Variants in UTY observed in about 807,000 individuals in gnomAD.
UTY encodes histone demethylase UTY.
A neutral mutation model predicts 32.5 loss-of-function variants in UTY; 12 were observed. The observed-to-expected ratio is 0.37, with a 90% confidence interval of 0.24 to 0.60. The LOEUF (loss-of-function observed/expected upper bound fraction) is 0.60, where lower values mean the gene tolerates loss of function less well. Ranked by LOEUF, UTY falls within the 20% of genes least tolerant of loss-of-function variation. The pLI, the probability that UTY is intolerant of heterozygous loss-of-function variation, is 0.69. For synonymous variants in UTY, 131 were observed against 103.4 expected (o/e 1.27, Z -1.62); for missense variants, 303 against 299.2 (o/e 1.01, Z -0.09).
intron 4 of UTY, among the ~76,000 whole-genome samples, chrY:13,426,627 T>C (rs2073322874): frequency 3.0e-5 from 1 of 33,483 alleles, no homozygotes; most frequent in Non-Finnish European, 7.4e-5. Context: ...AATATAACTT[T>C]AAGCAAATTT....
At chrY:13,411,749 C>A in intron 5 of UTY, among the ~76,000 whole-genome samples, 1 of 33,469 alleles carries the variant, frequency 3.0e-5, no homozygotes, top group Non-Finnish European at 7.4e-5. Flanking sequence ...CACCAGCCTC[C>A]CAAAGAGCTG....
chrY:13,327,393 GA>G (rs2060322762), intron 18 of UTY, among the ~76,000 whole-genome samples: 1 of 33,370 alleles, frequency 3.0e-5, no homozygotes, highest in Non-Finnish European at 7.4e-5. Context: ...TTCCTACACA[GA>G]AAAAAACTTT....
At chrY:13,237,561 T>C (rs2053863024) in intron 28 of UTY, among the ~76,000 whole-genome samples, 1 of 33,144 alleles carries the variant, frequency 3.0e-5, no homozygotes, top group Admixed American at 2.7e-4. Context: ...CCCCACTCAG[T>C]GGGCCCTGAA....
In UTY at chrY:13,369,342, T is replaced by C; in HGVS notation, c.653A>G (p.Tyr218Cys). ...IAHLYETQRK[Y>C]HSAKEAYEQL... is the part of the protein sequence containing the mutation. ...TTCATATGCCTCCTTTGCAGAATGA[T>C]ACTTCCTCTAAAGAGCAAAGGAAAA... Residue 218 changes from tyrosine to cysteine, a missense_variant, in exon 9 of 30, where the codon TAT (tyrosine) becomes TGT (cysteine). Tyr to Cys is a radical substitution (Grantham distance 194). Coordinates refer to ENST00000545955, the MANE Select transcript of UTY (RefSeq NM_001258249.2). The C allele has an allele frequency of 3.0e-6, 1 of 332,183 alleles. No individual in the cohort carries two copies. Among genetic ancestry groups the C allele is most frequent in the Non-Finnish European group, 4.1e-6 (1 of 242,169 alleles). 82.9% of individuals were successfully genotyped at this position (332,183 alleles called of 400,897 possible).
At chrY:13,394,044 G>C in intron 7 of UTY, 151 bp from the exon 8 acceptor site, 1 of 94,938 alleles carries the variant, frequency 1.1e-5, no homozygotes, top group East Asian at 1.6e-4. Flanking sequence ...GTTTTAAACA[G>C]AATGCAAAAT....
intron 9 of UTY, among the ~76,000 whole-genome samples, chrY:13,367,681 G>A: frequency 3.0e-5 from 1 of 33,382 alleles, no homozygotes; most frequent in Non-Finnish European, 7.4e-5. Context: ...AAAAATAACT[G>A]TACTGAAGGA....
intron 17 of UTY, among the ~76,000 whole-genome samples, chrY:13,349,681 A>G (rs750427322): frequency 8.2e-4 from 27 of 33,098 alleles, no homozygotes; most frequent in African/African-American, 3.2e-3. Context: ...CAGAAAACTT[A>G]GGAGAATATC....
chrY:13,275,177 A>G, intron 27 of UTY, among the ~76,000 whole-genome samples: 1 of 33,696 alleles, frequency 3.0e-5, no homozygotes, highest in African/African-American at 1.2e-4. Context: ...CCAAAATACA[A>G]TATCTGGGGG....
At chrY:13,297,650 C>T in intron 27 of UTY, 57 bp downstream of exon 27, 2 of 395,135 alleles carry the variant, frequency 5.1e-6, no homozygotes, top group Non-Finnish European at 7.1e-6. Context: ...GAAAAAAATA[C>T]TGAATGGCTA....
intron 8 of UTY, among the ~76,000 whole-genome samples, chrY:13,386,131 C>A (rs1268811746): frequency 1.6e-3 from 18 of 11,408 alleles, no homozygotes; most frequent in South Asian, 0.012. Flanking sequence ...GACAGAGTCT[C>A]GCTCTGTCGC....
chrY:13,352,015 C>A, intron 17 of UTY, among the ~76,000 whole-genome samples: 2 of 33,479 alleles, frequency 6.0e-5, no homozygotes, highest in Admixed American at 2.7e-4. Flanking sequence ...CATATTGTAT[C>A]ACTGATTTGT....
chrY:13,357,667 G>C (rs2063087640), intron 15 of UTY, among the ~76,000 whole-genome samples: 1 of 33,544 alleles, frequency 3.0e-5, no homozygotes, highest in Non-Finnish European at 7.4e-5. Flanking sequence ...GCTAGAGGTA[G>C]AAACTGGAAG....
At chrY:13,251,996 C>T (rs2054209051) in intron 28 of UTY, among the ~76,000 whole-genome samples, 3 of 29,062 alleles carry the variant, frequency 1.0e-4, no homozygotes, top group East Asian at 8.9e-4. Context: ...CCGGCTAAAA[C>T]GGTGAAACCC....
At chrY:13,317,223 T>C (rs2059546766) in intron 21 of UTY, among the ~76,000 whole-genome samples, 1 of 33,263 alleles carries the variant, frequency 3.0e-5, no homozygotes, top group Admixed American at 2.7e-4. Flanking sequence ...AGGTTGGTCT[T>C]CAAATCCTGA....
intron 25 of UTY, among the ~76,000 whole-genome samples, chrY:13,302,264 T>C: frequency 3.0e-5 from 1 of 33,770 alleles, no homozygotes; most frequent in Non-Finnish European, 7.3e-5. Context: ...AAGGGTGCCT[T>C]ATTTTATAAT....
chrY:13,342,287 T>A (rs2061548337), intron 17 of UTY, among the ~76,000 whole-genome samples: 1 of 33,102 alleles, frequency 3.0e-5, no homozygotes, highest in Non-Finnish European at 7.4e-5. Flanking sequence ...TAAATCTGGA[T>A]AATAGAAAGA....
At chrY:13,360,014 A>G in intron 11 of UTY, 28 bp from the exon 12 acceptor site, 1 of 361,362 alleles carries the variant, frequency 2.8e-6, no homozygotes, top group East Asian at 9.6e-5. Flanking sequence ...GCTGTCAAAA[A>G]CTACTGGTTA....
At chrY:13,478,561 C>T in intron 2 of UTY, among the ~76,000 whole-genome samples, 1 of 32,901 alleles carries the variant, frequency 3.0e-5, no homozygotes, top group Non-Finnish European at 7.4e-5. Flanking sequence ...CCTTTTTACC[C>T]GCCATCTTGG....
chrY:13,348,567 C>T (rs760394455), intron 17 of UTY, among the ~76,000 whole-genome samples: 2 of 33,830 alleles, frequency 5.9e-5, no homozygotes, highest in Admixed American at 5.3e-4. Flanking sequence ...GTACAAACTG[C>T]CTGTATCACA....
Sources: gnomAD v4.1 joint callset for allele counts (sites outside exome capture counted in the v4.1 genomes callset) on GRCh38, gnomAD v4.1.1 for gene constraint, MANE v1.5 for transcripts, NCBI Gene and HGNC (gene_info 2026-07-23, HGNC 2026-07-21) for gene names.